Variants in DLG2 observed in about 807,000 individuals in gnomAD.
DLG2 encodes the protein discs large MAGUK scaffold protein 2.
DLG2 carries 45 observed loss-of-function variants against 132.5 expected under a neutral mutation model. The observed-to-expected ratio is 0.34, with a 90% CI of 0.27 to 0.44. The LOEUF (loss-of-function observed/expected upper bound fraction) is 0.44. DLG2 is among the 20% of genes least tolerant of loss of function. The probability of loss-of-function intolerance (pLI) is 1.00; values close to 1 mark genes in which losing one functional copy is unlikely to be tolerated. For missense variants in DLG2, 1,045 were observed against 1,196.9 expected (o/e 0.87, Z 1.87); for synonymous variants, 424 against 419.6 (o/e 1.01, Z -0.13).
intron 6 of DLG2, among the ~76,000 whole-genome samples, chr11:84,876,895 T>C (rs144802406): frequency 0.042 from 6,345 of 152,290 alleles, 197 homozygotes; most frequent in African/African-American, 0.08. Flanking sequence ...TTTGTTCTCA[T>C]TGGTTTCAAA....
intron 6 of DLG2, among the ~76,000 whole-genome samples, chr11:84,981,522 T>G (rs2055737467): frequency 6.6e-6 from 1 of 152,086 alleles, no homozygotes; most frequent in African/African-American, 2.4e-5. Context: ...TGATTGGAGG[T>G]CTATAGGCTC....
intron 3 of DLG2, among the ~76,000 whole-genome samples, chr11:85,528,388 T>A (rs1161835987): frequency 6.6e-6 from 1 of 152,220 alleles, no homozygotes; most frequent in African/African-American, 2.4e-5. Context: ...GGGTCCAGTT[T>A]CTGTTTACTG....
intron 7 of DLG2, among the ~76,000 whole-genome samples, chr11:84,518,556 A>C (rs530641560): frequency 1.3e-5 from 2 of 152,194 alleles, no homozygotes; most frequent in East Asian, 1.9e-4. Context: ...AACAGATCTC[A>C]CAACTGAAGT....
intron 7 of DLG2, among the ~76,000 whole-genome samples, chr11:84,288,095 T>C (rs7126897): frequency 0.036 from 5,434 of 152,102 alleles, 183 homozygotes; most frequent in African/African-American, 0.083. Flanking sequence ...CTTCACTAAA[T>C]TGATATCATA....
At chr11:85,379,084 A>G (rs2085662910) in intron 3 of DLG2, among the ~76,000 whole-genome samples, 1 of 152,228 alleles carries the variant, frequency 6.6e-6, no homozygotes. Context: ...ATTTCAAGTC[A>G]CCAGTCATGC....
chr11:83,724,969 C>G (rs2089704230), intron 18 of DLG2: 1 of 700,476 alleles, frequency 1.4e-6, no homozygotes, highest in Admixed American at 2.0e-5. Flanking sequence ...CTCCGCCTGG[C>G]CAGCACACAC....
At chr11:85,622,733 GGGTGCCTATGAGAT>G (rs1055298254) in intron 2 of DLG2, among the ~76,000 whole-genome samples, 3 of 152,030 alleles carry the variant, frequency 2.0e-5, no homozygotes, top group African/African-American at 7.2e-5. Flanking sequence ...TCAGTTTCAA[GGGTGCCTATGAGAT>G]ATATGGCAAT....
chr11:85,474,749 T>G (rs1376902694), intron 3 of DLG2, among the ~76,000 whole-genome samples: 1 of 151,662 alleles, frequency 6.6e-6, no homozygotes, highest in East Asian at 1.9e-4. Flanking sequence ...AATTTTAGTT[T>G]TAATTCATTT....
chr11:84,580,985 C>T (rs772129678), intron 6 of DLG2, among the ~76,000 whole-genome samples: 2 of 152,174 alleles, frequency 1.3e-5, no homozygotes, highest in Admixed American at 6.5e-5. Flanking sequence ...TTCAGAAGTG[C>T]TAACACCAGT....
intron 4 of DLG2, among the ~76,000 whole-genome samples, chr11:85,174,644 A>C (rs72945927): frequency 0.054 from 8,274 of 152,214 alleles, 333 homozygotes; most frequent in African/African-American, 0.1. Flanking sequence ...CAGAGACATG[A>C]AAAACCCTTC....
chr11:84,208,677 G>T (rs1344213950), intron 8 of DLG2, among the ~76,000 whole-genome samples: 1 of 152,006 alleles, frequency 6.6e-6, no homozygotes, highest in Non-Finnish European at 1.5e-5. Context: ...AATAATGAAA[G>T]AAAAATAAAG....
At chr11:84,288,684 A>T (rs1383131646) in intron 7 of DLG2, among the ~76,000 whole-genome samples, 6 of 152,110 alleles carry the variant, frequency 3.9e-5, no homozygotes. Context: ...AAAAACCCCT[A>T]AATGAAACGA....
intron 7 of DLG2, among the ~76,000 whole-genome samples, chr11:84,504,852 C>A (rs1039026441): frequency 1.3e-5 from 2 of 152,108 alleles, no homozygotes; most frequent in Non-Finnish European, 2.9e-5. Context: ...AACTTGATGG[C>A]TCTTTGACTG....
At chr11:84,889,636 A>C (rs1239502420) in intron 6 of DLG2, among the ~76,000 whole-genome samples, 1 of 152,142 alleles carries the variant, frequency 6.6e-6, no homozygotes, top group Non-Finnish European at 1.5e-5. Flanking sequence ...GTGCTAATTT[A>C]ATTTTTTAAA....
intron 6 of DLG2, among the ~76,000 whole-genome samples, chr11:84,865,026 A>G (rs967720672): frequency 6.6e-6 from 1 of 152,172 alleles, no homozygotes; most frequent in African/African-American, 2.4e-5. Context: ...GAAAAATCTG[A>G]CTAAAGATCT....
intron 7 of DLG2, among the ~76,000 whole-genome samples, chr11:84,380,183 C>A (rs1054632265): frequency 3.3e-5 from 5 of 151,822 alleles, no homozygotes; most frequent in Non-Finnish European, 7.4e-5. Context: ...CTCATGGAAA[C>A]CTGTAAGTAA....
chr11:85,077,760 G>T, intron 6 of DLG2, among the ~76,000 whole-genome samples: 1 of 151,722 alleles, frequency 6.6e-6, no homozygotes, highest in East Asian at 1.9e-4. Context: ...AAAAAGAAAA[G>T]TCAAGTTCTT....
At chr11:85,156,310 A>G (rs1051480539) in intron 4 of DLG2, among the ~76,000 whole-genome samples, 4 of 152,224 alleles carry the variant, frequency 2.6e-5, no homozygotes, top group Non-Finnish European at 5.9e-5. Context: ...CCATTAGAGT[A>G]TCTTGTAAGA....
chr11:84,893,286 G>T (rs888220626), intron 6 of DLG2, among the ~76,000 whole-genome samples: 6 of 152,106 alleles, frequency 3.9e-5, no homozygotes, highest in African/African-American at 1.4e-4. Flanking sequence ...CCTGCATCCT[G>T]CCCAAATTGT....
Sources: allele counts gnomAD v4.1 joint callset (sites outside exome capture counted in the v4.1 genomes callset), GRCh38; gene constraint gnomAD v4.1.1; transcripts MANE v1.5; gene names NCBI Gene and HGNC (gene_info 2026-07-23, HGNC 2026-07-21).